The following XYLB variants were observed in gnomAD, a reference collection of about 807,000 sequenced individuals.
XYLB encodes xylulose kinase.
XYLB carries 62 observed loss-of-function variants against 78.7 expected under a neutral mutation model. That is an observed-to-expected ratio of 0.79 (90% CI 0.64 to 0.97). The LOEUF (loss-of-function observed/expected upper bound fraction) is 0.97, where lower values mean the gene tolerates loss of function less well. Ranked by LOEUF, XYLB falls within the 50% of genes least tolerant of loss-of-function variation. XYLB has a pLI of 0.00. For missense variants in XYLB, 687 were observed against 676.8 expected (o/e 1.02, Z -0.17); for synonymous variants, 245 against 247.4 (o/e 0.99, Z 0.09).
chr3:38,382,260 C>T (rs1003153073), intron 15 of XYLB, among the ~76,000 whole-genome samples: 2 of 152,018 alleles, frequency 1.3e-5, no homozygotes, highest in African/African-American at 2.4e-5. Flanking sequence ...GTGGGAGGAT[C>T]GCTTAAGCCT....
Position 38,414,292 on chromosome 3 carries a change from G to C in XYLB, c.*1279G>C, listed in dbSNP as rs1708715276. The C allele has an allele frequency of 6.6e-6, 1 of 152,206 alleles. No homozygotes were observed. The allele number at this position is 152,206 out of a possible 1,614,324, so 9.4% of individuals were successfully genotyped here. On this transcript the variant is annotated 3_prime_UTR_variant, in exon 19 of 19. Transcript: ENST00000207870. ...GACCAAAGGCATCACTTCTGATGGA[G>C]ATGAAGCCATCTTGAAAGTGAGTGG...
At chr3:38,426,887 A>G in the XYLB span, among the ~76,000 whole-genome samples, 6 of 152,212 alleles carry the variant, frequency 3.9e-5, no homozygotes, top group Non-Finnish European at 7.3e-5. Flanking sequence ...TTGGTTTACT[A>G]GAGCAGGGCA....
chr3:38,426,353 C>A, the XYLB span, among the ~76,000 whole-genome samples: 1 of 152,190 alleles, frequency 6.6e-6, no homozygotes, highest in South Asian at 2.1e-4. Flanking sequence ...TGCATTACTC[C>A]TCATCTGTAT....
intron 16 of XYLB, 149 bp downstream of exon 16, chr3:38,395,712 C>A: frequency 1.3e-6 from 1 of 786,480 alleles, no homozygotes; most frequent in Non-Finnish European, 2.1e-6. Flanking sequence ...AGCTCTGTTG[C>A]CTTACAGCTC....
At chr3:38,408,077 A>G (rs1411442841) in intron 18 of XYLB, among the ~76,000 whole-genome samples, 3 of 151,368 alleles carry the variant, frequency 2.0e-5, no homozygotes, top group African/African-American at 7.2e-5. Flanking sequence ...TCAACAGAAT[A>G]TACATTTTTT....
chr3:38,357,844 T>C (rs983154490), intron 2 of XYLB, among the ~76,000 whole-genome samples: 5 of 150,294 alleles, frequency 3.3e-5, no homozygotes, highest in African/African-American at 1.2e-4. Flanking sequence ...GAAATGTCTA[T>C]TAAGATCTTT....
chr3:38,375,822 C>G (rs1404918923), intron 12 of XYLB, among the ~76,000 whole-genome samples: 2 of 152,148 alleles, frequency 1.3e-5, no homozygotes, highest in African/African-American at 4.8e-5. Flanking sequence ...TCATTGTGCC[C>G]ATGGTAGAAT....
the XYLB span, among the ~76,000 whole-genome samples, chr3:38,449,023 T>C: frequency 3.9e-5 from 6 of 152,340 alleles, no homozygotes; most frequent in Admixed American, 3.9e-4. Flanking sequence ...GGAAATCCTG[T>C]CACCTGGTTT....
intron 15 of XYLB, among the ~76,000 whole-genome samples, chr3:38,393,399 G>T (rs1707749690): frequency 6.6e-6 from 1 of 152,154 alleles, no homozygotes; most frequent in South Asian, 2.1e-4. Flanking sequence ...ACCTGCCTTG[G>T]CCTCCCAAAG....
the XYLB span, among the ~76,000 whole-genome samples, chr3:38,432,950 G>T: frequency 6.6e-6 from 1 of 152,338 alleles, no homozygotes; most frequent in Admixed American, 6.5e-5. Flanking sequence ...AGCTCCAGTA[G>T]ACAGTGCCCC....
At chr3:38,397,769 T>G (rs1436983948) in intron 17 of XYLB, among the ~76,000 whole-genome samples, 4 of 152,008 alleles carry the variant, frequency 2.6e-5, no homozygotes, top group African/African-American at 7.2e-5. Flanking sequence ...GTGGTTCTAT[T>G]CTTTTCATAT....
intron 9 of XYLB, chr3:38,372,354 G>A: frequency 3.0e-6 from 3 of 983,640 alleles, no homozygotes; most frequent in Non-Finnish European, 1.2e-6. Context: ...AGCTTATAAA[G>A]CAAGCACAAG....
the XYLB span, among the ~76,000 whole-genome samples, chr3:38,443,310 G>A: frequency 6.6e-6 from 1 of 152,178 alleles, no homozygotes; most frequent in Non-Finnish European, 1.5e-5. Flanking sequence ...CCTGTTGTTG[G>A]ATCGGCTGGT....
chr3:38,408,612 G>A (rs1250946982), intron 18 of XYLB, among the ~76,000 whole-genome samples: 1 of 150,968 alleles, frequency 6.6e-6, no homozygotes, highest in South Asian at 2.1e-4. Flanking sequence ...TTTTTTGAAA[G>A]GATCAACAAA....
intron 17 of XYLB, among the ~76,000 whole-genome samples, chr3:38,398,992 C>A (rs986671000): frequency 6.6e-6 from 1 of 151,994 alleles, no homozygotes; most frequent in African/African-American, 2.4e-5. Flanking sequence ...TTGCAGTGAG[C>A]CGAGATCGCA....
At chr3:38,372,948 G>A (rs1706652580) in intron 10 of XYLB, among the ~76,000 whole-genome samples, 1 of 152,032 alleles carries the variant, frequency 6.6e-6, no homozygotes, top group Non-Finnish European at 1.5e-5. Flanking sequence ...CTGACTCCTT[G>A]TACCTGCCCC....
At chr3:38,440,513 C>T in the XYLB span, among the ~76,000 whole-genome samples, 111 of 152,268 alleles carry the variant, frequency 7.3e-4, no homozygotes, top group African/African-American at 2.4e-3. Context: ...CATCTATCAT[C>T]CTGTCCCAAA....
chr3:38,435,326 A>AACAC, the XYLB span, among the ~76,000 whole-genome samples: 78 of 150,108 alleles, frequency 5.2e-4, no homozygotes, highest in Admixed American at 3.1e-3. Context: ...CAAGACCAGT[A>AACAC]ACACACACAC....
the XYLB span, among the ~76,000 whole-genome samples, chr3:38,438,463 A>T: frequency 6.6e-6 from 1 of 152,244 alleles, no homozygotes; most frequent in African/African-American, 2.4e-5. Context: ...CATAATATCT[A>T]TCAAAATACT....
Sources: allele counts gnomAD v4.1 joint callset (sites outside exome capture counted in the v4.1 genomes callset), GRCh38; gene constraint gnomAD v4.1.1; transcripts MANE v1.5; gene names NCBI Gene and HGNC (gene_info 2026-07-23, HGNC 2026-07-21).